Variants in DNAH14 observed in about 807,000 individuals in gnomAD.
DNAH14 encodes axonemal beta dynein heavy chain 14.
DNAH14 carries 478 observed loss-of-function variants against 520.9 expected under a neutral mutation model. That is an observed-to-expected ratio of 0.92 (90% CI 0.85 to 0.99). The LOEUF (loss-of-function observed/expected upper bound fraction) is 0.99, where lower values mean the gene tolerates loss of function less well. DNAH14 is among the 50% of genes least tolerant of loss of function. The pLI, the probability that DNAH14 is intolerant of heterozygous loss-of-function variation, is 0.00. For synonymous variants in DNAH14, 1,581 were observed against 1,757.2 expected, an observed-to-expected ratio of 0.90 and a Z score of 2.51; for missense variants, 4,831 against 5,234.5, an observed-to-expected ratio of 0.92 and a Z score of 2.38.
rs1353276797 is a variant in DNAH14, at chr1:225,242,233, CA to C, written c.6748+1421del. 5.4e-5 allele frequency among the ~76,000 whole-genome samples: 8 copies of C among 148,424 alleles called. No homozygotes were observed. In the East Asian group the frequency reaches 5.9e-4, roughly 11 times the overall value. The stretch of plus-strand genomic sequence containing the variant: ...TGGGAAACAGATTAAGACCCAGCCT[CA>C]AAAAAAAAATTTTTTTTCTTCAATA... On this transcript the variant is annotated intron_variant, in intron 43 of 85. Coordinates refer to ENST00000682510, the MANE Select transcript of DNAH14 (RefSeq NM_001367479.1).
Position 225,364,803 on chromosome 1 carries a change from C to T in DNAH14, c.11999C>T (p.Pro4000Leu). 1 of 1,542,780 alleles carries T rather than the reference C, an allele frequency of 6.5e-7. No homozygotes were observed. Among genetic ancestry groups the T allele is most frequent in the East Asian group, 2.5e-5 (1 of 40,672 alleles). The change falls in exon 76 of 86, where the codon CCA becomes CTA. Residue 4000 changes from proline (P) to leucine (L), a missense_variant. Physicochemically the swap from Pro to Leu is moderately conservative, Grantham distance 98. Coordinates refer to ENST00000682510, the MANE Select transcript of DNAH14 (RefSeq NM_001367479.1). ...LCTIVESFNS[P>L]NVTIDPEFRL... ...TTTTTATTTTGCAGTTTTAATAGTCCAAACGTGACAATAGACCCTGAGTTT... is the reference window on the plus strand; with the variant it reads ...TTTTTATTTTGCAGTTTTAATAGTCTAAACGTGACAATAGACCCTGAGTTT...
chr1:225,262,636 C>T lies in DNAH14; in HGVS notation c.7158-1561C>T, dbSNP rs555467779. Among the ~76,000 whole-genome samples the T allele has an allele frequency of 8.6e-5, 13 of 151,992 alleles. No homozygotes were observed. In the South Asian group the frequency reaches 2.5e-3, roughly 29 times the overall value. The stretch of plus-strand genomic sequence containing the variant: ...CAGTGTATGTTTTTGTCTGATTTGT[C>T]GAAGATCAGTTGGTTGTAAGTATTT... On this transcript the variant is annotated intron_variant, in intron 46 of 85. Transcript: ENST00000682510.
At chr1:225,079,108 AAATTAGACTTATAT>A (rs2072790877) in intron 17 of DNAH14, 85 bp from the exon 18 acceptor site, 1 of 1,110,138 alleles carries the variant, frequency 9.0e-7, no homozygotes, top group South Asian at 1.5e-5. Flanking sequence ...TTATTTTCTG[AAATTAGACTTATAT>A]AAGTCAGAGA....
chr1:225,272,955 CT>C lies in DNAH14; in HGVS notation c.7842del (p.Leu2615SerfsTer2), dbSNP rs1350468616. 4.6e-6 allele frequency: 7 copies of C among 1,522,088 alleles called. No homozygotes were observed. In the Admixed American group the frequency reaches 9.5e-5, roughly 21 times the overall value. 94.3% of individuals were successfully genotyped at this position (1,522,088 alleles called of 1,614,324 possible). A position where few individuals can be genotyped will look rare whatever the true frequency, so the allele number is the denominator to read the frequency against. ...YMFNLRDMFKLLLGLLQADRT... is the reference protein window; with the variant it reads ...YMFNLRDMFKXLLGLLQADRT... ...AACGTTATTTTTAAATCCCTAACAG[CT>C]TCTCCTAGGATTGCTGCAAGCTGAC... is the stretch of plus-strand genomic sequence containing the variant. On this transcript the variant is annotated frameshift_variant and splice_region_variant, in exon 52 of 86. Transcript: ENST00000682510. LOFTEE classifies it high-confidence loss of function.
intron 43 of DNAH14, chr1:225,250,765 C>G: frequency 2.1e-6 from 1 of 475,760 alleles, no homozygotes; most frequent in Non-Finnish European, 3.9e-6. Flanking sequence ...TGTAAATGGG[C>G]TTGGGATTGG....
At chr1:225,323,761 A>T (rs2094599391) in intron 62 of DNAH14, among the ~76,000 whole-genome samples, 1 of 151,888 alleles carries the variant, frequency 6.6e-6, no homozygotes. Context: ...TTGCCCAGCC[A>T]CTAGCGTCAT....
Position 224,954,942 on chromosome 1 carries a change from TTTTC to T in DNAH14, c.78-13_78-10del. The T allele has an allele frequency of 6.4e-7, 1 of 1,557,898 alleles. No homozygotes were observed. Among genetic ancestry groups the T allele is most frequent in the Non-Finnish European group, 8.7e-7 (1 of 1,146,082 alleles). On this transcript the variant is annotated splice_polypyrimidine_tract_variant and intron_variant, in intron 2 of 85. Transcript: ENST00000682510. ...TTTTCCATTTATTTTCTTAGAATTG[TTTTC>T]TTTGTCATTTAGACTTTTAAGATAT...
intron 6 of DNAH14, 164 bp downstream of exon 6, chr1:224,967,747 G>T: frequency 6.6e-7 from 1 of 1,526,220 alleles, no homozygotes; most frequent in Non-Finnish European, 8.7e-7. Context: ...ATTTAATAGT[G>T]AAGTTTTTCC....
chr1:225,350,906 G>A (rs1441235019), intron 71 of DNAH14, among the ~76,000 whole-genome samples: 4 of 152,116 alleles, frequency 2.6e-5, no homozygotes, highest in Non-Finnish European at 4.4e-5. Flanking sequence ...GCATTATTCT[G>A]ATACTAAAGC....
Position 225,288,777 on chromosome 1 carries a change from A to G in DNAH14, c.8272-1108A>G, listed in dbSNP as rs1054013364. 1.1e-4 allele frequency among the ~76,000 whole-genome samples: 17 copies of G among 152,268 alleles called. No individual in the cohort carries two copies. In the East Asian group the frequency reaches 1.3e-3, roughly 12 times the overall value. Reference sequence around the variant, plus strand: ...AAAACCACAATAACACTAAACACCCACTTGAATGGCTATAATCAAAAAGAT... The same window carrying G: ...AAAACCACAATAACACTAAACACCCGCTTGAATGGCTATAATCAAAAAGAT... On this transcript the variant is annotated intron_variant, in intron 54 of 85. Coordinates refer to ENST00000682510, the MANE Select transcript of DNAH14 (RefSeq NM_001367479.1).
chr1:225,141,228 G>T (rs1280931957), intron 28 of DNAH14, among the ~76,000 whole-genome samples: 4 of 151,966 alleles, frequency 2.6e-5, no homozygotes, highest in African/African-American at 9.7e-5. Context: ...ATGGTCAATT[G>T]TGGCCCAAAA....
At chr1:224,956,343 A>G (rs1282434745) in intron 3 of DNAH14, among the ~76,000 whole-genome samples, 1 of 152,162 alleles carries the variant, frequency 6.6e-6, no homozygotes, top group Non-Finnish European at 1.5e-5. Context: ...GATGGACTGA[A>G]TATATGATGA....
At chr1:225,279,334 C>T (rs2093572325) in intron 54 of DNAH14, among the ~76,000 whole-genome samples, 1 of 152,134 alleles carries the variant, frequency 6.6e-6, no homozygotes, top group Admixed American at 6.6e-5. Context: ...CCCAATTAAA[C>T]ATTATAAATA....
At chr1:225,332,549 C>G (rs183464187) in intron 65 of DNAH14, among the ~76,000 whole-genome samples, 4 of 152,264 alleles carry the variant, frequency 2.6e-5, no homozygotes, top group Non-Finnish European at 5.9e-5. Context: ...TTTAACTTCT[C>G]TAAACTCCAA....
intron 11 of DNAH14, among the ~76,000 whole-genome samples, chr1:225,024,796 G>A (rs1292635420): frequency 2.0e-5 from 3 of 151,904 alleles, no homozygotes; most frequent in Admixed American, 1.3e-4. Flanking sequence ...TGTGTGTTTA[G>A]GAAAGGTCTT....
intron 66 of DNAH14, among the ~76,000 whole-genome samples, chr1:225,336,770 T>G (rs12030277): frequency 0.24 from 37,231 of 152,124 alleles, 4,914 homozygotes; most frequent in African/African-American, 0.34. Flanking sequence ...ATAACCTTAG[T>G]CAAGTATCTA....
At position 225,079,504 on chromosome 1, in the gene DNAH14, TG is replaced by T; in HGVS notation, c.2723del (p.Cys908LeufsTer12). 1.3e-6 allele frequency: 2 copies of T among 1,540,494 alleles called. No individual in the cohort carries two copies. The highest frequency in any genetic ancestry group is 1.7e-6 in the Non-Finnish European group (2 of 1,144,672). The part of the protein sequence containing the change: ...ITKFRDNLEA[C>X]ISGLHVDVGN... The stretch of plus-strand genomic sequence containing the variant: ...TAAATTCAGAGATAACTTGGAAGCA[TG>T]TATCAGTGGTCTACATGTTGATGTT... On this transcript the variant is annotated frameshift_variant, in exon 18 of 86. Coordinates refer to ENST00000682510, the MANE Select transcript of DNAH14 (RefSeq NM_001367479.1). LOFTEE classifies it high-confidence loss of function.
chr1:225,280,184 A>G (rs972589409), intron 54 of DNAH14, among the ~76,000 whole-genome samples: 1 of 152,282 alleles, frequency 6.6e-6, no homozygotes, highest in East Asian at 1.9e-4. Flanking sequence ...TCAAAGACCT[A>G]AAAGACACTA....
rs1157305637 is a variant in DNAH14 at position 225,264,136 on chromosome 1, GT to G, written c.7158-58del. The G allele has an allele frequency of 4.4e-6, 6 of 1,366,074 alleles. No individual in the cohort carries two copies. The African/African-American group carries it at 8.8e-5, about 20-fold the overall frequency. 84.6% of individuals were successfully genotyped at this position (1,366,074 alleles called of 1,614,324 possible). A position where few individuals can be genotyped will look rare whatever the true frequency, so the allele number is the denominator to read the frequency against. On this transcript the variant is annotated intron_variant, in intron 46 of 85. Coordinates refer to ENST00000682510, the MANE Select transcript of DNAH14 (RefSeq NM_001367479.1). Reference sequence around the variant, plus strand: ...AATATGCTGTTACTTTTTTGTTGTTGTTTAATATACCTATTATGGTAAACAA... The same window carrying G: ...AATATGCTGTTACTTTTTTGTTGTTGTTAATATACCTATTATGGTAAACAA...
Sources: allele counts gnomAD v4.1 joint callset (sites outside exome capture counted in the v4.1 genomes callset), GRCh38; gene constraint gnomAD v4.1.1; transcripts MANE v1.5; gene names NCBI Gene and HGNC (gene_info 2026-07-23, HGNC 2026-07-21).